Variants in PCNT observed in about 807,000 individuals in gnomAD.
PCNT encodes the protein kendrin.
A neutral mutation model predicts 380.4 loss-of-function variants in PCNT; 319 were observed. The observed-to-expected ratio is 0.84, with a 90% CI of 0.77 to 0.92. The LOEUF is 0.92. Among genes scored for constraint, PCNT ranks in the 40% least tolerant of loss-of-function variants. The probability of loss-of-function intolerance (pLI) is 0.00; values close to 1 mark genes in which losing one functional copy is unlikely to be tolerated. For synonymous variants in PCNT, 1,845 were observed against 1,735.2 expected (o/e 1.06, Z -1.57); for missense variants, 4,400 against 4,255.3 (o/e 1.03, Z -0.95).
At chr21:46,424,730 C>T (rs1263491461) in intron 32 of PCNT, among the ~76,000 whole-genome samples, 1 of 134,228 alleles carries the variant, frequency 7.5e-6, no homozygotes, top group African/African-American at 2.7e-5. Context: ...CCCAACCCTG[C>T]TCCCCCAGCC....
At chr21:46,366,508 A>G in intron 14 of PCNT, 76 bp from the exon 15 acceptor site, 8 of 1,237,564 alleles carry the variant, frequency 6.5e-6, no homozygotes, top group Non-Finnish European at 9.6e-6. Context: ...TCCTGTGGGA[A>G]ACTGACTTGG....
chr21:46,363,779 G>A lies in PCNT; in HGVS notation c.2454G>A (p.Gln818=), dbSNP rs375305165. 8 of 1,613,750 alleles carry A rather than the reference G, an allele frequency of 5.0e-6. No homozygotes were observed. In the African/African-American group the frequency reaches 9.3e-5, roughly 19 times the overall value. The change falls in exon 14 of 47, where the codon CAG becomes CAA. Residue 818 remains glutamine (Q), a synonymous_variant. Transcript: ENST00000359568. Reference sequence around the variant, plus strand: ...TGGAGAGGTCCTTGACGGAGCAGCAGGGCCGCCTGCAGCAGCTGGAACAGG... The same window carrying A: ...TGGAGAGGTCCTTGACGGAGCAGCAAGGCCGCCTGCAGCAGCTGGAACAGG... ...LDLERSLTEQ[Q]GRLQQLEQDL... is the part of the protein sequence containing the mutation.
chr21:46,337,174 A>G (rs2083771555), intron 3 of PCNT, among the ~76,000 whole-genome samples: 1 of 151,650 alleles, frequency 6.6e-6, no homozygotes, highest in Non-Finnish European at 1.5e-5. Flanking sequence ...TTGGGGTTTC[A>G]CCATGTTGGT....
intron 12 of PCNT, 142 bp from the exon 13 acceptor site, chr21:46,356,832 C>T (rs2084497726): frequency 2.8e-6 from 2 of 704,904 alleles, no homozygotes; most frequent in South Asian, 1.7e-5. Flanking sequence ...CTGCTTTCAT[C>T]ACTGAGTCAG....
At chr21:46,325,616 C>T (rs1166026550) in intron 1 of PCNT, among the ~76,000 whole-genome samples, 1 of 152,212 alleles carries the variant, frequency 6.6e-6, no homozygotes, top group Non-Finnish European at 1.5e-5. Context: ...ATCATTTACA[C>T]AAATGTGTGT....
At position 46,436,170 on chromosome 21, in the gene PCNT, C is replaced by T. The variant is rs201176634; in HGVS notation, c.8996+22C>T. 1.5e-4 allele frequency: 247 copies of T among 1,601,872 alleles called. 1 individual carries two copies. The South Asian group carries it at 2.1e-3, about 14-fold the overall frequency. On this transcript the variant is annotated intron_variant, in intron 39 of 46. Transcript: ENST00000359568. ...ACAGGTGTGCACCCACGCCACCTGG[C>T]GCTCACTGGTCCCTTGCAGCCACCC...
At chr21:46,349,863 A>C in intron 8 of PCNT, 43 bp downstream of exon 8, 1 of 1,592,326 alleles carries the variant, frequency 6.3e-7, no homozygotes, top group Non-Finnish European at 8.6e-7. Context: ...TATATTAGGG[A>C]AGTTTTAACA....
At chr21:46,428,858 G>A (rs768646920) in intron 35 of PCNT, among the ~76,000 whole-genome samples, 1 of 152,222 alleles carries the variant, frequency 6.6e-6, no homozygotes, top group African/African-American at 2.4e-5. Flanking sequence ...GCAGATTCTT[G>A]GGAGCTCATG....
chr21:46,381,722 C>T lies in PCNT; in HGVS notation c.3194C>T (p.Ala1065Val), dbSNP rs1227624924. The change falls in exon 16 of 47, where the codon GCT (alanine) becomes GTT (valine). Residue 1065 changes from alanine (A) to valine (V), a missense_variant. Transcript: ENST00000359568. ...GAATTTGGAAGTGAAAAGAAAACTG[C>T]TTTGCATGAAAAAGAGGAGACACTT... is the stretch of plus-strand genomic sequence containing the variant. ...QGEFGSEKKT[A>V]LHEKEETLRL... 4 of 1,614,056 alleles carry T rather than the reference C, an allele frequency of 2.5e-6. No individual in the cohort carries two copies. The highest frequency in any genetic ancestry group is 3.4e-6 in the Non-Finnish European group (4 of 1,179,884).
At chr21:46,362,149 C>T (rs4819241) in intron 13 of PCNT, among the ~76,000 whole-genome samples, 19,933 of 152,186 alleles carry the variant, frequency 0.13, 1,371 homozygotes, top group South Asian at 0.21. Context: ...GTTCTTGTAG[C>T]TTTAGCCGGC....
rs1458436758 is a variant in PCNT, at chr21:46,425,990, A to G, written c.7320+19A>G. On this transcript the variant is annotated intron_variant, in intron 33 of 46. Coordinates refer to ENST00000359568, the MANE Select transcript of PCNT (RefSeq NM_006031.6). The surrounding 1 kb of genome is among the most constrained non-coding windows in gnomAD (Gnocchi z 4.2). ...GACGCAGGTTTATTTTGCCCTTCAC[A>G]CACTTCTTTTCCAAAGGATTTAAGG... 6.2e-7 allele frequency: 1 copy of G among 1,611,770 alleles called. No individual in the cohort carries two copies. Among genetic ancestry groups the G allele is most frequent in the Non-Finnish European group, 8.5e-7 (1 of 1,179,188 alleles).
intron 9 of PCNT, 125 bp from the exon 10 acceptor site, chr21:46,352,979 C>T (rs2084329938): frequency 5.2e-6 from 4 of 768,046 alleles, no homozygotes; most frequent in African/African-American, 3.4e-5. Context: ...TCATCCCTCT[C>T]CGGTTCTGGG....
chr21:46,381,817 A>AAG lies in PCNT; in HGVS notation c.3291_3292dup (p.Lys1098ArgfsTer9), dbSNP rs1326471826. On this transcript the variant is annotated frameshift_variant, in exon 16 of 47. Coordinates refer to ENST00000359568, the MANE Select transcript of PCNT (RefSeq NM_006031.6). LOFTEE classifies it high-confidence loss of function. ...AGAGTCTTTGTCTCTGCAGCTTCAA[A>AAG]AGAAGAATCACCAAGTCCAGCAGGT... is the stretch of plus-strand genomic sequence containing the variant. The AAG allele has an allele frequency of 3.1e-6, 5 of 1,614,112 alleles. No individual in the cohort carries two copies. Among genetic ancestry groups the AAG allele is most frequent in the African/African-American group, 1.3e-5 (1 of 74,942 alleles).
At chr21:46,362,961 A>G (rs923011431) in intron 13 of PCNT, among the ~76,000 whole-genome samples, 1 of 151,354 alleles carries the variant, frequency 6.6e-6, no homozygotes, top group Non-Finnish European at 1.5e-5. Context: ...CAGTTCATCC[A>G]CCCCTTGCTC....
In PCNT at chr21:46,365,782, T is replaced by C. The variant is rs2084902139; in HGVS notation, c.2610-802T>C. ...TTCACTCCCATGGAGTTCTGTTCACTCCCATAGGGTTCTATTCACTGCCAT... is the reference window on the plus strand; with the variant it reads ...TTCACTCCCATGGAGTTCTGTTCACCCCCATAGGGTTCTATTCACTGCCAT... On this transcript the variant is annotated intron_variant, in intron 14 of 46. Coordinates refer to ENST00000359568, the MANE Select transcript of PCNT (RefSeq NM_006031.6). Among the ~76,000 whole-genome samples, 3 of 149,722 alleles carry C rather than the reference T, an allele frequency of 2.0e-5. No homozygotes were observed. In the South Asian group the frequency reaches 6.4e-4, roughly 32 times the overall value.
At chr21:46,344,043 G>A (rs2083987961) in intron 3 of PCNT, among the ~76,000 whole-genome samples, 2 of 150,924 alleles carry the variant, frequency 1.3e-5, no homozygotes, top group Non-Finnish European at 1.5e-5. Flanking sequence ...TGATCTATCA[G>A]TTTTGTTTAT....
At chr21:46,380,677 T>C (rs2839235) in intron 15 of PCNT, among the ~76,000 whole-genome samples, 39,261 of 151,988 alleles carry the variant, frequency 0.26, 6,966 homozygotes, top group African/African-American at 0.51. Flanking sequence ...TTTGTTCTTA[T>C]GGACACTCAG....
intron 17 of PCNT, among the ~76,000 whole-genome samples, chr21:46,386,693 CTT>C (rs1305939049): frequency 6.6e-6 from 1 of 152,214 alleles, no homozygotes; most frequent in Admixed American, 6.5e-5. Context: ...TCTTGAGAAA[CTT>C]TTTGCTCCTC....
At chr21:46,380,716 T>C (rs1158248528) in intron 15 of PCNT, among the ~76,000 whole-genome samples, 1 of 152,232 alleles carries the variant, frequency 6.6e-6, no homozygotes, top group Non-Finnish European at 1.5e-5. Flanking sequence ...ACTCTTCGGA[T>C]GATTGCAAAC....
Sources: allele counts gnomAD v4.1 joint callset (sites outside exome capture counted in the v4.1 genomes callset), GRCh38; gene constraint gnomAD v4.1.1; non-coding constraint Gnocchi (gnomAD v3.1); transcripts MANE v1.5; gene names NCBI Gene and HGNC (gene_info 2026-07-23, HGNC 2026-07-21).